The following CA6 variants were observed in gnomAD, a reference collection of about 807,000 sequenced individuals.
The protein encoded by CA6 is carbonate dehydratase VI.
CA6 carries 28 observed loss-of-function variants against 35.9 expected under a neutral mutation model. The ratio of observed to expected loss-of-function variants is 0.78; its 90% CI spans 0.58 to 1.07. CA6 has a LOEUF of 1.07. Among genes scored for constraint, CA6 ranks in the 50% least tolerant of loss-of-function variants. The pLI is 0.00. For synonymous variants in CA6, 148 were observed against 152.6 expected (o/e 0.97, Z 0.22); for missense variants, 377 against 382.0 (o/e 0.99, Z 0.11).
At chr1:8,961,985 A>G (rs1639852825) in intron 4 of CA6, among the ~76,000 whole-genome samples, 1 of 152,184 alleles carries the variant, frequency 6.6e-6, no homozygotes, top group African/African-American at 2.4e-5. Context: ...CACGCCTGTA[A>G]TCCCAGCACT....
At chr1:8,959,162 T>C (rs41278984) in intron 4 of CA6, among the ~76,000 whole-genome samples, 160 bp downstream of exon 4, 6,774 of 152,196 alleles carry the variant, frequency 0.045, 218 homozygotes, top group Admixed American at 0.1. Flanking sequence ...ATCACTGTGC[T>C]CCTTCCGTGC....
intron 6 of CA6, among the ~76,000 whole-genome samples, chr1:8,968,619 AG>A (rs1462268708): frequency 6.6e-6 from 1 of 152,174 alleles, no homozygotes; most frequent in Non-Finnish European, 1.5e-5. Flanking sequence ...AAGAAATAAA[AG>A]GTTTAAATAT....
Position 8,974,913 on chromosome 1 carries a change from C to T in CA6, c.*209C>T, listed in dbSNP as rs3737664. 6 of 449,840 alleles carry T rather than the reference C, an allele frequency of 1.3e-5. No homozygotes were observed. The highest frequency in any genetic ancestry group is 4.4e-5 in the Admixed American group (1 of 22,484). 27.9% of individuals were successfully genotyped at this position (449,840 alleles called of 1,614,324 possible). ...AGTGAGATGGCTTCAGTTCATGAGA[C>T]GGGATCTGAGTTAGACATCACCAGT... On this transcript the variant is annotated 3_prime_UTR_variant, in exon 8 of 8. Transcript: ENST00000377443.
Position 8,949,268 on chromosome 1 carries a change from G to A in CA6, c.85G>A (p.Ala29Thr), listed in dbSNP as rs369789905. The A allele has an allele frequency of 1.9e-6, 3 of 1,598,592 alleles. No homozygotes were observed. Among genetic ancestry groups the A allele is most frequent in the African/African-American group, 2.7e-5 (2 of 73,790 alleles). Residue 29 changes from alanine to threonine, a missense_variant, in exon 2 of 8, where the codon GCA becomes ACA. Coordinates refer to ENST00000377443, the MANE Select transcript of CA6 (RefSeq NM_001215.4). ...HVSDWTYSEG[A>T]LDEAHWPQHY... is the part of the protein sequence containing the mutation. ...CTGTGTCTTTCCTGTCTTAGAAGGG[G>A]CACTGGACGAAGCGCACTGGCCACA...
intron 3 of CA6, among the ~76,000 whole-genome samples, chr1:8,958,079 C>T (rs74985853): frequency 0.022 from 3,384 of 152,276 alleles, 143 homozygotes; most frequent in African/African-American, 0.078. Context: ...AGGTCCTGCC[C>T]TCACAGGACT....
intron 2 of CA6, among the ~76,000 whole-genome samples, chr1:8,951,229 AAAAAG>A (rs1231079786): frequency 8.2e-5 from 10 of 122,028 alleles, no homozygotes; most frequent in Non-Finnish European, 1.4e-4. Context: ...AGAAAAAAAA[AAAAAG>A]AAAGAAAGAA....
chr1:8,946,099 G>A, intron 1 of CA6, 134 bp downstream of exon 1: 1 of 617,974 alleles, frequency 1.6e-6, no homozygotes, highest in South Asian at 2.0e-5. Flanking sequence ...GTACAGTAGT[G>A]TGATGTTGGC....
intron 6 of CA6, 63 bp downstream of exon 6, chr1:8,967,879 C>T: frequency 6.6e-7 from 1 of 1,504,570 alleles, no homozygotes; most frequent in Non-Finnish European, 9.1e-7. Context: ...CAAGGGTTCT[C>T]CCCAGCATCT....
intron 2 of CA6, among the ~76,000 whole-genome samples, chr1:8,953,639 G>GTCAATCAA (rs147727926): frequency 3.0e-4 from 46 of 151,220 alleles, no homozygotes; most frequent in African/African-American, 4.1e-4. Flanking sequence ...CAATCAATCA[G>GTCAATCAA]TCAATCAATC....
At chr1:8,973,354 G>A (rs1459211468) in intron 7 of CA6, among the ~76,000 whole-genome samples, 1 of 152,096 alleles carries the variant, frequency 6.6e-6, no homozygotes, top group African/African-American at 2.4e-5. Context: ...TATTTCCCCT[G>A]CTTTCCCTAA....
chr1:8,955,615 T>TCCAC (rs1308938753), intron 2 of CA6, among the ~76,000 whole-genome samples: 23,872 of 151,410 alleles, frequency 0.16, 2,323 homozygotes, highest in Middle Eastern at 0.21. Context: ...TCACTGACCT[T>TCCAC]GCACGCCTCC....
rs1335319924 is a variant in CA6, at chr1:8,963,624, C to G, written c.571+968C>G. Reference sequence around the variant, plus strand: ...TGGCGCGATCATGGCTCAGTGCAGCCTCGACCTCTGGGACTCAGTTGATCC... The same window carrying G: ...TGGCGCGATCATGGCTCAGTGCAGCGTCGACCTCTGGGACTCAGTTGATCC... On this transcript the variant is annotated intron_variant, in intron 5 of 7. Transcript: ENST00000377443. The surrounding 1 kb of genome is among the most constrained non-coding windows in gnomAD (Gnocchi z 4.1). Among the ~76,000 whole-genome samples, 1 of 152,174 alleles carries G rather than the reference C, an allele frequency of 6.6e-6. No homozygotes were observed. The highest frequency in any genetic ancestry group is 1.9e-4 in the East Asian group (1 of 5,202).
At chr1:8,958,845 C>G in intron 3 of CA6, 65 bp from the exon 4 acceptor site, 1 of 896,682 alleles carries the variant, frequency 1.1e-6, no homozygotes, top group East Asian at 2.6e-5. Flanking sequence ...TCCTCCTTCC[C>G]TGGAAATCTT....
chr1:8,961,242 C>T (rs12735688), intron 4 of CA6, among the ~76,000 whole-genome samples: 39,859 of 152,022 alleles, frequency 0.26, 5,986 homozygotes, highest in East Asian at 0.56. Context: ...CGGTTAACTC[C>T]GATCCACAGA....
chr1:8,970,939 C>A lies in CA6; in HGVS notation c.802C>A (p.Pro268Thr). The A allele has an allele frequency of 6.2e-7, 1 of 1,613,906 alleles. No homozygotes were observed. The highest frequency in any genetic ancestry group is 8.5e-7 in the Non-Finnish European group (1 of 1,179,822). The stretch of plus-strand genomic sequence containing the variant: ...CCACAACGATTACCGCAGGACCCAG[C>A]CCCTGAACCACAGAGTGGTGGAATC... ...TIHNDYRRTQ[P>T]LNHRVVESNF... The change falls in exon 7 of 8, where the codon CCC becomes ACC. Residue 268 changes from proline (P) to threonine (T), a missense_variant. Transcript: ENST00000377443.
intron 7 of CA6, chr1:8,974,236 C>T: frequency 1.5e-6 from 1 of 650,668 alleles, no homozygotes; most frequent in Non-Finnish European, 2.5e-6. Flanking sequence ...ATATGATTAA[C>T]CCACCTGCAA....
chr1:8,974,114 C>A (rs143102648), intron 7 of CA6, among the ~76,000 whole-genome samples: 1 of 152,054 alleles, frequency 6.6e-6, no homozygotes, highest in East Asian at 1.9e-4. Context: ...CATGAGCCAT[C>A]GCGCCTGGCC....
intron 1 of CA6, 74 bp downstream of exon 1, chr1:8,946,039 C>CTTCT: frequency 4.6e-6 from 4 of 871,832 alleles, no homozygotes; most frequent in Non-Finnish European, 7.2e-6. Context: ...CCTTCTTCTT[C>CTTCT]TTCTTTTTTT....
intron 2 of CA6, among the ~76,000 whole-genome samples, chr1:8,956,300 T>C (rs755279601): frequency 6.6e-6 from 1 of 152,186 alleles, no homozygotes; most frequent in Non-Finnish European, 1.5e-5. Context: ...CTCATAGATA[T>C]TTTTCTTAGT....
Sources: allele counts gnomAD v4.1 joint callset (sites outside exome capture counted in the v4.1 genomes callset), GRCh38; gene constraint gnomAD v4.1.1; non-coding constraint Gnocchi (gnomAD v3.1); transcripts MANE v1.5; gene names NCBI Gene and HGNC (gene_info 2026-07-23, HGNC 2026-07-21).